SCN11A: variants seen among roughly 807,000 people sequenced by gnomAD.
SCN11A encodes sodium channel protein type 11 subunit alpha.
A neutral mutation model predicts 162.2 loss-of-function variants in SCN11A; 122 were observed. The observed-to-expected ratio is 0.75, with a 90% CI of 0.65 to 0.87. SCN11A has a LOEUF of 0.87. Among genes scored for constraint, SCN11A ranks in the 40% least tolerant of loss-of-function variants. The probability of loss-of-function intolerance (pLI) is 0.00; values close to 1 mark genes in which losing one functional copy is unlikely to be tolerated. For synonymous variants in SCN11A, 758 were observed against 751.5 expected, an observed-to-expected ratio of 1.01 and a Z score of -0.14; for missense variants, 2,015 against 2,181.6, an observed-to-expected ratio of 0.92 and a Z score of 1.52.
At chr3:39,051,113 T>C (rs2032351763) in intron 1 of SCN11A, among the ~76,000 whole-genome samples, 1 of 149,716 alleles carries the variant, frequency 6.7e-6, no homozygotes, top group African/African-American at 2.4e-5. Context: ...TAACATCTTT[T>C]TGTCTTGTTT....
intron 1 of SCN11A, among the ~76,000 whole-genome samples, chr3:39,042,724 G>A (rs1025793134): frequency 4.1e-4 from 63 of 152,158 alleles, no homozygotes; most frequent in African/African-American, 1.4e-3. Context: ...TTGGGAGGCC[G>A]AGACAGGAGG....
intron 2 of SCN11A, among the ~76,000 whole-genome samples, chr3:39,010,876 A>G (rs2031113038): frequency 6.6e-6 from 1 of 152,136 alleles, no homozygotes; most frequent in African/African-American, 2.4e-5. Flanking sequence ...CAAGGGTGGG[A>G]TTGCTGAGGA....
chr3:38,996,683 A>C (rs2030641263), intron 2 of SCN11A, among the ~76,000 whole-genome samples: 1 of 152,194 alleles, frequency 6.6e-6, no homozygotes, highest in Admixed American at 6.5e-5. Context: ...TAGCATCTGC[A>C]TCCATAATCA....
intron 2 of SCN11A, among the ~76,000 whole-genome samples, chr3:38,964,261 C>T (rs561968623): frequency 1.3e-5 from 2 of 152,270 alleles, no homozygotes; most frequent in South Asian, 2.1e-4. Context: ...TCAGTTCTGC[C>T]GTCTGATGAG....
chr3:38,892,051 A>G (rs2065509473), intron 19 of SCN11A, among the ~76,000 whole-genome samples: 1 of 152,230 alleles, frequency 6.6e-6, no homozygotes, highest in Non-Finnish European at 1.5e-5. Context: ...GTGGTTCATC[A>G]TGTACAAGGT....
At chr3:39,042,557 G>A (rs2032073385) in intron 1 of SCN11A, among the ~76,000 whole-genome samples, 2 of 151,986 alleles carry the variant, frequency 1.3e-5, no homozygotes, top group African/African-American at 4.8e-5. Flanking sequence ...ACACAGAATG[G>A]GAGAAAATAT....
intron 10 of SCN11A, 101 bp from the exon 11 acceptor site, chr3:38,920,102 A>C: frequency 1.1e-6 from 1 of 875,492 alleles, no homozygotes; most frequent in Non-Finnish European, 1.8e-6. Flanking sequence ...ATGTTTCTAC[A>C]TCTTCTAAAA....
At chr3:38,964,857 C>T (rs73828758) in intron 2 of SCN11A, among the ~76,000 whole-genome samples, 3,144 of 152,352 alleles carry the variant, frequency 0.021, 72 homozygotes, top group African/African-American at 0.057. Context: ...AGGCATGATA[C>T]TGGCACCGTC....
At chr3:38,899,577 A>G (rs2065661969) in intron 17 of SCN11A, among the ~76,000 whole-genome samples, 1 of 152,158 alleles carries the variant, frequency 6.6e-6, no homozygotes. Context: ...CTCCATGGGA[A>G]AAAAAGAGTG....
At chr3:38,948,474 T>C (rs2066551543) in intron 5 of SCN11A, among the ~76,000 whole-genome samples, 2 of 152,212 alleles carry the variant, frequency 1.3e-5, no homozygotes, top group Admixed American at 1.3e-4. Flanking sequence ...AAATGGGGCT[T>C]CCAAAGAGAA....
At chr3:38,958,883 T>C (rs924887668) in intron 3 of SCN11A, among the ~76,000 whole-genome samples, 1 of 152,248 alleles carries the variant, frequency 6.6e-6, no homozygotes, top group Admixed American at 6.5e-5. Flanking sequence ...CTTGGGGATA[T>C]CTGAAAGAAA....
chr3:38,987,301 TCTCACACACA>T (rs145010135), intron 2 of SCN11A, among the ~76,000 whole-genome samples: 10,058 of 112,844 alleles, frequency 0.089, 392 homozygotes, highest in East Asian at 0.11. Flanking sequence ...TCTCTCTCTC[TCTCACACACA>T]CACACACACA....
intron 11 of SCN11A, among the ~76,000 whole-genome samples, chr3:38,917,250 CTG>C (rs1476497836): frequency 6.6e-6 from 1 of 152,178 alleles, no homozygotes; most frequent in Non-Finnish European, 1.5e-5. Context: ...TTGTGGAAAA[CTG>C]TGGCAATTCC....
intron 4 of SCN11A, among the ~76,000 whole-genome samples, chr3:38,952,166 G>T (rs141561894): frequency 2.0e-5 from 3 of 152,214 alleles, no homozygotes; most frequent in African/African-American, 7.2e-5. Context: ...CACTCACCGC[G>T]AGAGTCCGAG....
chr3:38,950,063 AC>A (rs749134287), intron 5 of SCN11A, 32 bp downstream of exon 5: 4 of 62,398 alleles, frequency 6.4e-5, no homozygotes, highest in South Asian at 2.1e-4. Flanking sequence ...GAACACCCCC[AC>A]CCCCACCCCC....
chr3:38,983,645 T>A (rs2030135913), intron 2 of SCN11A, among the ~76,000 whole-genome samples: 1 of 152,212 alleles, frequency 6.6e-6, no homozygotes, highest in African/African-American at 2.4e-5. Context: ...CTCTACCCCA[T>A]AAGGGAGCTT....
At position 38,894,561 on chromosome 3, in the gene SCN11A, C is replaced by G. The variant is rs755531821; in HGVS notation, c.2807G>C (p.Arg936Pro). 6.2e-7 allele frequency: 1 copy of G among 1,611,104 alleles called. No individual in the cohort carries two copies. Among genetic ancestry groups the G allele is most frequent in the Non-Finnish European group, 8.5e-7 (1 of 1,178,636 alleles). The change falls in exon 19 of 30, where the codon CGC (arginine) becomes CCC (proline). Residue 936 changes from arginine to proline, a missense_variant. Transcript: ENST00000302328. ...VEFSGEDNAQ[R>P]ITQPEPEQQA... Reference sequence around the variant, plus strand: ...TTGTTCAGGCTCAGGTTGTGTGATGCGCTGTGCATTATCTTCACCAGAAAA... The same window carrying G: ...TTGTTCAGGCTCAGGTTGTGTGATGGGCTGTGCATTATCTTCACCAGAAAA...
chr3:39,022,366 C>T (rs1265977219), intron 2 of SCN11A, among the ~76,000 whole-genome samples: 1 of 152,214 alleles, frequency 6.6e-6, no homozygotes, highest in Non-Finnish European at 1.5e-5. Context: ...CTTGAAGTGT[C>T]TGTTTCTGGC....
intron 1 of SCN11A, among the ~76,000 whole-genome samples, chr3:39,033,884 G>A (rs1462761146): frequency 6.6e-6 from 1 of 152,102 alleles, no homozygotes; most frequent in Non-Finnish European, 1.5e-5. Flanking sequence ...AAAAGTATAG[G>A]ATGGGCATGG....
Sources: gnomAD v4.1 joint callset for allele counts (sites outside exome capture counted in the v4.1 genomes callset) on GRCh38, gnomAD v4.1.1 for gene constraint, MANE v1.5 for transcripts, NCBI Gene and HGNC (gene_info 2026-07-23, HGNC 2026-07-21) for gene names.